The following FRS3 variants were observed in gnomAD, a reference collection of about 807,000 sequenced individuals.
FRS3 encodes FGFR substrate 3.
Under a neutral mutation model 41.9 loss-of-function variants are expected in FRS3, and 17 were observed. The observed-to-expected ratio is 0.41, with a 90% CI of 0.28 to 0.61. The LOEUF is 0.61. Among genes scored for constraint, FRS3 ranks in the 20% least tolerant of loss-of-function variants. The pLI is 0.36. For synonymous variants in FRS3, 287 were observed against 274.5 expected, an observed-to-expected ratio of 1.05 and a Z score of -0.45; for missense variants, 619 against 672.1, an observed-to-expected ratio of 0.92 and a Z score of 0.87.
In FRS3 at chr6:41,771,762, T is replaced by G. The variant is rs965040696; in HGVS notation, c.564+54A>C. The G allele has an allele frequency of 2.6e-6, 4 of 1,528,520 alleles. No homozygotes were observed. The African/African-American group carries it at 5.5e-5, about 21-fold the overall frequency. The allele number at this position is 1,528,520 out of a possible 1,614,324, so 94.7% of individuals were successfully genotyped here. ...TGGGAGGAGGTGGCCTTATTTCCTA[T>G]CCCTCGTCCCCACCCAGACCAACAG... On this transcript the variant is annotated intron_variant, in intron 6 of 6. Coordinates refer to ENST00000373018, the MANE Select transcript of FRS3 (RefSeq NM_006653.5).
chr6:41,775,528 G>A lies in FRS3; in HGVS notation c.144C>T (p.His48=), dbSNP rs751868990. 6 of 1,613,804 alleles carry A rather than the reference G, an allele frequency of 3.7e-6. No homozygotes were observed. The African/African-American group carries it at 8.0e-5, about 22-fold the overall frequency. The change falls in exon 4 of 7, where the codon CAC becomes CAT. Residue 48 remains histidine, a synonymous_variant. Coordinates refer to ENST00000373018, the MANE Select transcript of FRS3 (RefSeq NM_006653.5). ...AGCGGACGGCCTCACGCCGATGCAGGTGCAGCACCAGCTCACTCTGCGTCA... is the reference window on the plus strand; with the variant it reads ...AGCGGACGGCCTCACGCCGATGCAGATGCAGCACCAGCTCACTCTGCGTCA... ...MELTQSELVL[H]LHRREAVRWP...
chr6:41,773,443 T>C (rs1772345668), intron 4 of FRS3, among the ~76,000 whole-genome samples: 1 of 152,006 alleles, frequency 6.6e-6, no homozygotes, highest in South Asian at 2.1e-4. Flanking sequence ...ATCCAAGAGC[T>C]ACTAGAAAGG....
At position 41,772,917 on chromosome 6, in the gene FRS3, T is replaced by C. The variant is rs181895663; in HGVS notation, c.296A>G (p.Asn99Ser). ...FKCSRAEEIFNLLQDLMQCNS... is the reference protein window; with the variant it reads ...FKCSRAEEIFSLLQDLMQCNS... ...GCACTGCATCAGATCCTGAAGGAGG[T>C]TGAAGATTTCCTCAGCCCGGGAACA... The change falls in exon 5 of 7, where the codon AAC becomes AGC. Residue 99 changes from asparagine (N) to serine (S), a missense_variant. Physicochemically the swap from Asn to Ser is conservative, Grantham distance 46. Transcript: ENST00000373018. 46 of 1,613,616 alleles carry C rather than the reference T, an allele frequency of 2.9e-5. No homozygotes were observed. The highest frequency in any genetic ancestry group is 1.7e-4 in the Middle Eastern group (1 of 6,056).
chr6:41,779,065 A>AGACTAAAG (rs1161888552), intron 1 of FRS3, among the ~76,000 whole-genome samples: 10 of 152,304 alleles, frequency 6.6e-5, no homozygotes, highest in African/African-American at 2.4e-4. Context: ...AGGTGTGCAC[A>AGACTAAAG]GACTAAAGAT....
chr6:41,775,409 T>C lies in FRS3; in HGVS notation c.253+10A>G. The C allele has an allele frequency of 3.7e-6, 6 of 1,603,662 alleles. No individual in the cohort carries two copies. Among genetic ancestry groups the C allele is most frequent in the Non-Finnish European group, 5.1e-6 (6 of 1,175,634 alleles). On this transcript the variant is annotated intron_variant, in intron 4 of 6. Coordinates refer to ENST00000373018, the MANE Select transcript of FRS3 (RefSeq NM_006653.5). ...CCCTATCCCAGGGTGGAGCAGGGCC[T>C]GGTACTCACCCTGGCCTGTCTGACA...
intron 2 of FRS3, 105 bp from the exon 3 acceptor site, chr6:41,777,115 C>T: frequency 1.3e-6 from 1 of 755,322 alleles, no homozygotes; most frequent in Non-Finnish European, 2.3e-6. Context: ...CTACTCTGTC[C>T]AAGAGACTGT....
chr6:41,773,987 T>C (rs188045071), intron 4 of FRS3, among the ~76,000 whole-genome samples: 1 of 152,202 alleles, frequency 6.6e-6, no homozygotes, highest in Non-Finnish European at 1.5e-5. Context: ...TCTCACCCTG[T>C]TGCCCAGGCT....
chr6:41,777,065 GCT>G, intron 2 of FRS3, 55 bp from the exon 3 acceptor site: 1 of 1,311,170 alleles, frequency 7.6e-7, no homozygotes, highest in Non-Finnish European at 1.1e-6. Flanking sequence ...AAAAAACCCT[GCT>G]CTGGGGAACT....
Position 41,771,381 on chromosome 6 carries a change from C to G in FRS3, c.717G>C (p.Gln239His), listed in dbSNP as rs767463234. ...GGGTCGGGCCCAACACAAACTTCAC[C>G]TGGCCTGGCTGCAAGAACACCTGTG... Reference protein sequence around the residue: ...RDPQVFLQPGQVKFVLGPTPA... With the variant: ...RDPQVFLQPGHVKFVLGPTPA... Residue 239 changes from glutamine to histidine, a missense_variant, in exon 7 of 7, where the codon CAG (glutamine) becomes CAC (histidine). Gln to His is a conservative substitution (Grantham distance 24). Around this residue, in one of 3 missense-constraint regions of FRS3, gnomAD observed 487 missense variants for 478.3 expected, o/e 1.02. Coordinates refer to ENST00000373018, the MANE Select transcript of FRS3 (RefSeq NM_006653.5). The G allele has an allele frequency of 6.2e-6, 10 of 1,613,762 alleles. No homozygotes were observed. In the Admixed American group the frequency reaches 1.7e-4, roughly 27 times the overall value.
At chr6:41,775,002 A>G (rs1317987916) in intron 4 of FRS3, among the ~76,000 whole-genome samples, 4 of 152,086 alleles carry the variant, frequency 2.6e-5, no homozygotes, top group African/African-American at 9.7e-5. Context: ...TGCCTCATGA[A>G]TTCCAAAGGT....
At chr6:41,779,387 G>A (rs1226920539) in intron 1 of FRS3, among the ~76,000 whole-genome samples, 1 of 152,020 alleles carries the variant, frequency 6.6e-6, no homozygotes, top group African/African-American at 2.4e-5. Flanking sequence ...ATTTTGGATA[G>A]TGCAAGGAGA....
At chr6:41,771,789 G>A (rs1204967154) in intron 6 of FRS3, 27 bp downstream of exon 6, 2 of 1,546,968 alleles carry the variant, frequency 1.3e-6, no homozygotes, top group Non-Finnish European at 1.7e-6. Flanking sequence ...GACCAACAGG[G>A]CAGGGGCTGG....
At chr6:41,778,524 G>A (rs559671805) in intron 1 of FRS3, among the ~76,000 whole-genome samples, 1 of 152,318 alleles carries the variant, frequency 6.6e-6, no homozygotes, top group South Asian at 2.1e-4. Flanking sequence ...TTTCTCAAAA[G>A]GACACTGTGA....
chr6:41,770,590 G>C lies in FRS3; in HGVS notation c.*29C>G. 6.2e-7 allele frequency: 1 copy of C among 1,608,284 alleles called. No individual in the cohort carries two copies. The highest frequency in any genetic ancestry group is 8.5e-7 in the Non-Finnish European group (1 of 1,174,714). Reference sequence around the variant, plus strand: ...TGAGGCAGAGGCTGGATCATGGTGGGGCAGAGGGTGGTGAGGACCGGGAAG... The same window carrying C: ...TGAGGCAGAGGCTGGATCATGGTGGCGCAGAGGGTGGTGAGGACCGGGAAG... On this transcript the variant is annotated 3_prime_UTR_variant, in exon 7 of 7. Coordinates refer to ENST00000373018, the MANE Select transcript of FRS3 (RefSeq NM_006653.5).
rs773994466 is a variant in FRS3, at chr6:41,771,283, T to C, written c.815A>G (p.Asn272Ser). The change falls in exon 7 of 7, where the codon AAC becomes AGC. Residue 272 changes from asparagine (N) to serine (S), a missense_variant. Asn to Ser is a conservative substitution (Grantham distance 46). Coordinates refer to ENST00000373018, the MANE Select transcript of FRS3 (RefSeq NM_006653.5). ...TGGACACTCAGAAGGGGCCTCATTGTTATTATTGTGGTGTGGGGGGTCATG... is the reference window on the plus strand; with the variant it reads ...TGGACACTCAGAAGGGGCCTCATTGCTATTATTGTGGTGTGGGGGGTCATG... ...SLHDPPHHNNNNEAPSECPAQ... is the reference protein window; with the variant it reads ...SLHDPPHHNNSNEAPSECPAQ... 1.7e-4 allele frequency: 282 copies of C among 1,612,562 alleles called. No homozygotes were observed. The highest frequency in any genetic ancestry group is 2.2e-4 in the Non-Finnish European group (262 of 1,179,124).
rs1191388573 is a variant in FRS3, at chr6:41,775,485, G to T, written c.187C>A (p.Arg63=). The change falls in exon 4 of 7, where the codon CGG becomes AGG. Residue 63 remains arginine (R), a synonymous_variant. Transcript: ENST00000373018. ...EAVRWPYLCL[R]RYGYDSNLFS... is the part of the protein sequence containing the mutation. ...AGGTTGGAGTCGTAGCCATAGCGCC[G>T]CAAGCAGAGATAAGGCCAGCGGACG... 2 of 1,613,828 alleles carry T rather than the reference G, an allele frequency of 1.2e-6. No homozygotes were observed. The highest frequency in any genetic ancestry group is 1.1e-5 in the South Asian group (1 of 91,066).
In FRS3 at chr6:41,770,773, G is replaced by C. The variant is rs201687292; in HGVS notation, c.1325C>G (p.Pro442Arg). Residue 442 changes from proline (P) to arginine (R), a missense_variant, in exon 7 of 7, where the codon CCC (proline) becomes CGC (arginine). Pro to Arg is a moderately radical substitution (Grantham distance 103). Coordinates refer to ENST00000373018, the MANE Select transcript of FRS3 (RefSeq NM_006653.5). ...TCGGGCAGGGTGGGTGGTGGGCATG[G>C]GGGCTTGGGGGCTCGAGGGGTTCTG... ...GPQNPSSPQAPMPTTHPARSS... is the reference protein window; with the variant it reads ...GPQNPSSPQARMPTTHPARSS... 2 of 1,612,922 alleles carry C rather than the reference G, an allele frequency of 1.2e-6. No homozygotes were observed. The highest frequency in any genetic ancestry group is 4.5e-5 in the East Asian group (2 of 44,872).
chr6:41,777,056 A>G, intron 2 of FRS3, 46 bp from the exon 3 acceptor site: 2 of 1,402,078 alleles, frequency 1.4e-6, no homozygotes, highest in Non-Finnish European at 2.0e-6. Flanking sequence ...TTCAGCTTCA[A>G]AAAACCCTGC....
chr6:41,773,856 A>G (rs1772357541), intron 4 of FRS3, among the ~76,000 whole-genome samples: 1 of 151,792 alleles, frequency 6.6e-6, no homozygotes, highest in Non-Finnish European at 1.5e-5. Context: ...TGGGTGACAG[A>G]GCGAGACTCT....
Sources: gnomAD v4.1 joint callset for allele counts (sites outside exome capture counted in the v4.1 genomes callset) on GRCh38, gnomAD v4.1.1 for gene constraint, gnomAD v4.1.1 regional missense constraint, MANE v1.5 for transcripts, NCBI Gene and HGNC (gene_info 2026-07-23, HGNC 2026-07-21) for gene names.